MKLN1: variants seen among roughly 807,000 people sequenced by gnomAD.
MKLN1 encodes muskelin 1.
A neutral mutation model predicts 99.0 loss-of-function variants in MKLN1; 18 were observed. That is an observed-to-expected ratio of 0.18 (90% CI 0.13 to 0.27). The LOEUF (loss-of-function observed/expected upper bound fraction) is 0.27, where lower values mean the gene tolerates loss of function less well. Ranked by LOEUF, MKLN1 falls within the 10% of genes least tolerant of loss-of-function variation. MKLN1 has a pLI of 1.00. For synonymous variants in MKLN1, 288 were observed against 293.2 expected (o/e 0.98, Z 0.18); for missense variants, 621 against 875.9 (o/e 0.71, Z 3.67).
At chr7:131,170,361 A>G (rs777643388) in intron 2 of MKLN1, among the ~76,000 whole-genome samples, 20 of 152,224 alleles carry the variant, frequency 1.3e-4, no homozygotes, top group Middle Eastern at 3.2e-3. Flanking sequence ...AAACACGGAT[A>G]TGTTATATTG....
chr7:131,484,255 T>A (rs777893357), intron 17 of MKLN1, among the ~76,000 whole-genome samples: 2 of 152,198 alleles, frequency 1.3e-5, no homozygotes, highest in Non-Finnish European at 2.9e-5. Context: ...ATGAGCTTAG[T>A]ACATTGCCCT....
intron 17 of MKLN1, among the ~76,000 whole-genome samples, chr7:131,486,776 C>T (rs1272702909): frequency 6.6e-6 from 1 of 152,010 alleles, no homozygotes; most frequent in East Asian, 1.9e-4. Flanking sequence ...CTGAGATAAA[C>T]CAATTGATGA....
rs1222223136 is a variant in MKLN1, at chr7:131,494,548, A to G, written c.*6820A>G. 6.6e-6 allele frequency: 1 copy of G among 152,182 alleles called. No individual in the cohort carries two copies. The highest frequency in any genetic ancestry group is 2.1e-4 in the South Asian group (1 of 4,834). 9.4% of individuals were successfully genotyped at this position (152,182 alleles called of 1,614,324 possible). On this transcript the variant is annotated 3_prime_UTR_variant, in exon 18 of 18. Coordinates refer to ENST00000352689, the MANE Select transcript of MKLN1 (RefSeq NM_013255.5). ...AGTAGTCTTCCGTGGGGGAAGATAA[A>G]TTTATTAAAGAGTCATGTACTGATC...
rs549438698 is a variant in MKLN1 at position 131,143,836 on chromosome 7, T to A, written c.-297+895T>A. ...GAGCAAGACCTTATCTCAAAAAAAA[T>A]AAAAATAAAAATAAAAGTGGATTTT... On this transcript the variant is annotated intron_variant, in intron 2 of 7. Transcript: ENST00000416992. Among the ~76,000 whole-genome samples, 11 of 152,006 alleles carry A rather than the reference T, an allele frequency of 7.2e-5. No individual in the cohort carries two copies. In the South Asian group the frequency reaches 1.0e-3, roughly 14 times the overall value.
At chr7:131,137,643 C>T (rs571595709) in intron 1 of MKLN1, among the ~76,000 whole-genome samples, 4 of 152,254 alleles carry the variant, frequency 2.6e-5, no homozygotes, top group East Asian at 1.9e-4. Flanking sequence ...GGCGCAATCT[C>T]GGCTCACTGC....
intron 1 of MKLN1, among the ~76,000 whole-genome samples, chr7:131,367,767 C>T (rs772171848): frequency 6.6e-5 from 10 of 152,180 alleles, no homozygotes; most frequent in Non-Finnish European, 1.3e-4. Flanking sequence ...CCCATCCCAT[C>T]TCCTGTCACA....
At chr7:131,145,340 G>A (rs1795802230) in intron 2 of MKLN1, among the ~76,000 whole-genome samples, 1 of 152,160 alleles carries the variant, frequency 6.6e-6, no homozygotes, top group Non-Finnish European at 1.5e-5. Context: ...ACGGCACGAA[G>A]ATTTACAGTC....
intron 3 of MKLN1, among the ~76,000 whole-genome samples, chr7:131,218,786 CCCCCCGA>C (rs1274863567): frequency 6.6e-6 from 1 of 151,872 alleles, no homozygotes; most frequent in Non-Finnish European, 1.5e-5. Flanking sequence ...TTCCAACCTT[CCCCCCGA>C]CCCCCGACCT....
chr7:131,231,879 C>CAAA (rs1797249084), intron 3 of MKLN1, among the ~76,000 whole-genome samples: 1 of 152,110 alleles, frequency 6.6e-6, no homozygotes, highest in Admixed American at 6.5e-5. Context: ...GCTGAAGAAC[C>CAAA]ACAAATGTCG....
In MKLN1 at chr7:131,396,090, T is replaced by G. The variant is rs907394383; in HGVS notation, c.401-1177T>G. Among the ~76,000 whole-genome samples, 3 of 152,258 alleles carry G rather than the reference T, an allele frequency of 2.0e-5. No individual in the cohort carries two copies. The East Asian group carries it at 5.8e-4, about 29-fold the overall frequency. ...AATATATATATATATTTTTTTCCAC[T>G]GAGACACAGTCTTATTCTGTCGCCC... On this transcript the variant is annotated intron_variant, in intron 4 of 17. Transcript: ENST00000352689.
intron 1 of MKLN1, among the ~76,000 whole-genome samples, chr7:131,122,895 C>A (rs1408671902): frequency 1.3e-5 from 2 of 151,816 alleles, no homozygotes; most frequent in Admixed American, 6.6e-5. Flanking sequence ...TGGTGGCCCG[C>A]GCCTGTAGTC....
intron 1 of MKLN1, among the ~76,000 whole-genome samples, chr7:131,353,348 CTAGTAA>C (rs1252635717): frequency 1.3e-5 from 2 of 152,062 alleles, no homozygotes; most frequent in Admixed American, 1.3e-4. Context: ...CCTCTAATGG[CTAGTAA>C]TGTTGCACAT....
chr7:131,190,937 A>C (rs1041808286), intron 2 of MKLN1, among the ~76,000 whole-genome samples: 1 of 152,204 alleles, frequency 6.6e-6, no homozygotes, highest in Non-Finnish European at 1.5e-5. Context: ...AACTGCATAC[A>C]AATCACCTGG....
At chr7:131,364,510 G>C (rs189108043) in intron 1 of MKLN1, among the ~76,000 whole-genome samples, 2 of 151,442 alleles carry the variant, frequency 1.3e-5, no homozygotes, top group East Asian at 3.9e-4. Flanking sequence ...CAGGGCATAC[G>C]TGAAGGTTTT....
intron 1 of MKLN1, among the ~76,000 whole-genome samples, chr7:131,346,039 A>T (rs1799549784): frequency 6.6e-6 from 1 of 152,230 alleles, no homozygotes. Flanking sequence ...TGAAAAATGA[A>T]AGACCTTCCA....
intron 16 of MKLN1, among the ~76,000 whole-genome samples, chr7:131,475,701 T>C (rs1419593926): frequency 1.3e-5 from 2 of 152,106 alleles, no homozygotes; most frequent in Non-Finnish European, 2.9e-5. Context: ...TCCCAGCTCC[T>C]CTGGAGGCTG....
chr7:131,326,264 A>G (rs145869735), upstream of MKLN1, among the ~76,000 whole-genome samples: 1,194 of 152,312 alleles, frequency 7.8e-3, 7 homozygotes, highest in South Asian at 0.012. Flanking sequence ...AAGTCACTAC[A>G]GTTACAGCAT....
chr7:131,122,516 G>A (rs1795388362), intron 1 of MKLN1, among the ~76,000 whole-genome samples: 1 of 152,042 alleles, frequency 6.6e-6, no homozygotes, highest in Non-Finnish European at 1.5e-5. Context: ...GCTTTTCCTC[G>A]TCTATGACTC....
At chr7:131,243,725 T>C (rs1297204171) in intron 3 of MKLN1, among the ~76,000 whole-genome samples, 3 of 152,114 alleles carry the variant, frequency 2.0e-5, no homozygotes, top group African/African-American at 7.2e-5. Context: ...TTTTAAAAAT[T>C]ATGTCAGGCC....
Sources: allele counts gnomAD v4.1 joint callset (sites outside exome capture counted in the v4.1 genomes callset), GRCh38; gene constraint gnomAD v4.1.1; transcripts MANE v1.5; gene names NCBI Gene and HGNC (gene_info 2026-07-23, HGNC 2026-07-21).